Variants in GRIP1 observed in about 807,000 individuals in gnomAD.
GRIP1 encodes glutamate receptor interacting protein 1.
Under a neutral mutation model 129.9 loss-of-function variants are expected in GRIP1, and 45 were observed. The ratio of observed to expected loss-of-function variants is 0.35; its 90% CI spans 0.27 to 0.44. GRIP1 has a LOEUF of 0.44. Among genes scored for constraint, GRIP1 ranks in the 20% least tolerant of loss-of-function variants. The probability of loss-of-function intolerance (pLI) is 1.00; values close to 1 mark genes in which losing one functional copy is unlikely to be tolerated. For synonymous variants in GRIP1, 530 were observed against 520.8 expected, an observed-to-expected ratio of 1.02 and a Z score of -0.24; for missense variants, 1,196 against 1,396.8, an observed-to-expected ratio of 0.86 and a Z score of 2.29.
intron 19 of GRIP1, among the ~76,000 whole-genome samples, chr12:66,390,665 A>G (rs1214878975): frequency 2.6e-5 from 4 of 152,208 alleles, no homozygotes; most frequent in Non-Finnish European, 5.9e-5. Flanking sequence ...CACCCTCACA[A>G]AAATCTCTGG....
chr12:66,487,759 C>G (rs140247197), intron 7 of GRIP1, among the ~76,000 whole-genome samples: 152 of 152,112 alleles, frequency 1.0e-3, no homozygotes, highest in African/African-American at 3.6e-3. Context: ...CAAAGACACA[C>G]GTAGACTGAA....
intron 1 of GRIP1, among the ~76,000 whole-genome samples, chr12:66,979,782 C>T (rs780718372): frequency 6.6e-5 from 10 of 152,060 alleles, no homozygotes; most frequent in Non-Finnish European, 1.3e-4. Context: ...GGGAGAATGC[C>T]ATGTGATGAG....
At chr12:66,628,050 C>T (rs1415868168) in intron 1 of GRIP1, among the ~76,000 whole-genome samples, 3 of 152,144 alleles carry the variant, frequency 2.0e-5, no homozygotes, top group African/African-American at 7.2e-5. Context: ...GAAGCACTAA[C>T]AAACCACAAA....
At chr12:67,028,439 C>T (rs1421510537) in intron 1 of GRIP1, among the ~76,000 whole-genome samples, 1 of 152,052 alleles carries the variant, frequency 6.6e-6, no homozygotes, top group Non-Finnish European at 1.5e-5. Flanking sequence ...GAATGGATAC[C>T]TGTAATTATA....
At chr12:66,443,029 T>C (rs545833216) in intron 13 of GRIP1, among the ~76,000 whole-genome samples, 1 of 152,334 alleles carries the variant, frequency 6.6e-6, no homozygotes, top group Admixed American at 6.5e-5. Context: ...TCCACAAGCA[T>C]ATCTTTACTA....
chr12:66,381,442 A>T (rs2056104975), intron 19 of GRIP1, among the ~76,000 whole-genome samples: 1 of 152,194 alleles, frequency 6.6e-6, no homozygotes, highest in African/African-American at 2.4e-5. Context: ...AACCAATCAA[A>T]CCAACCCCAA....
At chr12:66,527,224 C>T (rs1211235506) in intron 5 of GRIP1, among the ~76,000 whole-genome samples, 1 of 150,586 alleles carries the variant, frequency 6.6e-6, no homozygotes, top group Non-Finnish European at 1.5e-5. Context: ...GACACATGCA[C>T]ACGTATGTTT....
intron 24 of GRIP1, 77 bp downstream of exon 24, chr12:66,353,340 A>T: frequency 9.7e-7 from 1 of 1,028,006 alleles, no homozygotes; most frequent in South Asian, 1.3e-5. Flanking sequence ...AAGGGCCCCA[A>T]ATATGCAGGA....
chr12:66,429,505 T>C (rs1335360488), intron 14 of GRIP1, among the ~76,000 whole-genome samples: 3 of 152,048 alleles, frequency 2.0e-5, no homozygotes, highest in Admixed American at 1.3e-4. Context: ...AAGACCAGCC[T>C]GGGCAACACA....
intron 1 of GRIP1, among the ~76,000 whole-genome samples, chr12:66,622,691 A>G (rs1437099553): frequency 2.0e-5 from 3 of 152,088 alleles, no homozygotes; most frequent in African/African-American, 7.2e-5. Flanking sequence ...GTCCCTGCCT[A>G]CTTTTTTAGT....
chr12:66,998,634 A>C (rs769186039), intron 1 of GRIP1, among the ~76,000 whole-genome samples: 1 of 152,078 alleles, frequency 6.6e-6, no homozygotes, highest in Non-Finnish European at 1.5e-5. Flanking sequence ...CCAATCACCA[A>C]AGACCTCATC....
intron 5 of GRIP1, among the ~76,000 whole-genome samples, chr12:66,521,193 A>C (rs2060991599): frequency 6.6e-6 from 1 of 152,216 alleles, no homozygotes; most frequent in Non-Finnish European, 1.5e-5. Context: ...AATTCCTTGT[A>C]GATCAAGGTA....
intron 2 of GRIP1, among the ~76,000 whole-genome samples, chr12:66,548,303 G>T (rs1418835918): frequency 3.9e-5 from 6 of 152,158 alleles, no homozygotes; most frequent in Non-Finnish European, 2.9e-5. Flanking sequence ...AGACACTAAA[G>T]GCTCTGTGGA....
chr12:66,531,089 G>A (rs1450437778), intron 4 of GRIP1, among the ~76,000 whole-genome samples: 2 of 151,718 alleles, frequency 1.3e-5, no homozygotes, highest in African/African-American at 4.8e-5. Flanking sequence ...GCAAAAATCA[G>A]CTGGGCGTGG....
chr12:67,032,100 T>C (rs1194445299), intron 1 of GRIP1, among the ~76,000 whole-genome samples: 2 of 152,196 alleles, frequency 1.3e-5, no homozygotes, highest in Non-Finnish European at 2.9e-5. Context: ...ACATGGTATA[T>C]TTTCCTTTGA....
chr12:67,030,025 C>T (rs1445135060), intron 1 of GRIP1, among the ~76,000 whole-genome samples: 1 of 140,864 alleles, frequency 7.1e-6, no homozygotes, highest in Non-Finnish European at 1.5e-5. Context: ...ATGATGAAAC[C>T]CCGTCTCTAC....
At chr12:66,973,518 A>G (rs957472037) in intron 1 of GRIP1, among the ~76,000 whole-genome samples, 2 of 152,018 alleles carry the variant, frequency 1.3e-5, no homozygotes, top group African/African-American at 4.8e-5. Context: ...TGAATTCTGA[A>G]TAAATTCATC....
chr12:66,975,525 T>C (rs953602661), intron 1 of GRIP1, among the ~76,000 whole-genome samples: 13 of 152,276 alleles, frequency 8.5e-5, no homozygotes, highest in Middle Eastern at 3.4e-3. Context: ...CCACCTACCA[T>C]GATAGAGGAC....
intron 19 of GRIP1, among the ~76,000 whole-genome samples, chr12:66,387,464 G>A (rs1418969531): frequency 1.3e-5 from 2 of 152,196 alleles, no homozygotes; most frequent in Admixed American, 1.3e-4. Flanking sequence ...TCCAGTTCAG[G>A]AAGAACTCAT....
Sources: gnomAD v4.1 joint callset for allele counts (sites outside exome capture counted in the v4.1 genomes callset) on GRCh38, gnomAD v4.1.1 for gene constraint, MANE v1.5 for transcripts, NCBI Gene and HGNC (gene_info 2026-07-23, HGNC 2026-07-21) for gene names.